Variants in DCUN1D2 observed in about 807,000 individuals in gnomAD.
DCUN1D2 encodes the protein DCN1-like protein 2.
DCUN1D2 carries 29 observed loss-of-function variants against 30.9 expected under a neutral mutation model. The observed-to-expected ratio is 0.94, with a 90% confidence interval of 0.70 to 1.28. The LOEUF is 1.28. DCUN1D2 is among the 50% of genes most tolerant of loss of function. DCUN1D2 has a pLI of 0.00. For synonymous variants in DCUN1D2, 121 were observed against 115.3 expected, an observed-to-expected ratio of 1.05 and a Z score of -0.32; for missense variants, 325 against 316.9, an observed-to-expected ratio of 1.03 and a Z score of -0.19.
chr13:113,480,804 G>A (rs2044695190), intron 2 of DCUN1D2, 61 bp from the exon 3 acceptor site: 1 of 1,569,322 alleles, frequency 6.4e-7, no homozygotes, highest in South Asian at 1.1e-5. Context: ...TCTAAAATAG[G>A]AGGTTTGAAT....
chr13:113,490,451 G>A lies in DCUN1D2; in HGVS notation c.3+216C>T. The A allele has an allele frequency of 2.3e-6, 1 of 425,856 alleles. No individual in the cohort carries two copies. The highest frequency in any genetic ancestry group is 4.0e-5 in the South Asian group (1 of 24,840). 26.4% of individuals were successfully genotyped at this position (425,856 alleles called of 1,614,324 possible). A position where few individuals can be genotyped will look rare whatever the true frequency, so the allele number is the denominator to read the frequency against. On this transcript the variant is annotated intron_variant, in intron 1 of 6. Coordinates refer to ENST00000478244, the MANE Select transcript of DCUN1D2 (RefSeq NM_001014283.2). This position sits in a 1 kb window ranked among gnomAD's most constrained non-coding sequence, Gnocchi z 5.2. ...CGCTCACTCCCGGTCGTCCCTCGCG[G>A]CTCCGGGTCAAACCCGCGCTCCCCG...
At chr13:113,464,785 T>G (rs528744519) in intron 4 of DCUN1D2, among the ~76,000 whole-genome samples, 5 of 152,362 alleles carry the variant, frequency 3.3e-5, no homozygotes, top group African/African-American at 1.2e-4. Context: ...CAATGGATCA[T>G]GAGCTACCAA....
intron 3 of DCUN1D2, among the ~76,000 whole-genome samples, chr13:113,475,106 A>G (rs1828794262): frequency 6.6e-6 from 1 of 152,244 alleles, no homozygotes; most frequent in African/African-American, 2.4e-5. Flanking sequence ...AGGAAAGAAC[A>G]TTGAAGAAAG....
chr13:113,475,406 G>A (rs1355427609), intron 3 of DCUN1D2: 1 of 152,298 alleles, frequency 6.6e-6, no homozygotes, highest in East Asian at 1.9e-4. Context: ...TCACGGCCTA[G>A]GAGCAACAGG....
At chr13:113,489,008 G>A (rs1421522254) in intron 1 of DCUN1D2, 34 of 489,982 alleles carry the variant, frequency 6.9e-5, no homozygotes, top group Non-Finnish European at 8.7e-5. Flanking sequence ...TGTGAAATAC[G>A]ACTCATATAA....
chr13:113,458,907 G>A (rs554751777), intron 6 of DCUN1D2, among the ~76,000 whole-genome samples: 3 of 152,248 alleles, frequency 2.0e-5, no homozygotes, highest in South Asian at 4.2e-4. Flanking sequence ...TCCTAAACAC[G>A]GGGGGAGACA....
intron 3 of DCUN1D2, 193 bp downstream of exon 3, chr13:113,480,382 A>C (rs2044687351): frequency 4.2e-6 from 2 of 475,512 alleles, no homozygotes; most frequent in Admixed American, 3.9e-5. Context: ...ATGTGAAATG[A>C]AATAAAGTGT....
In DCUN1D2 at chr13:113,490,492, G is replaced by A. The variant is rs1042655093; in HGVS notation, c.3+175C>T. 1 of 682,304 alleles carries A rather than the reference G, an allele frequency of 1.5e-6. No individual in the cohort carries two copies. The allele number at this position is 682,304 out of a possible 1,614,324, so 42.3% of individuals were successfully genotyped here. On this transcript the variant is annotated intron_variant, in intron 1 of 6. Transcript: ENST00000478244. The surrounding 1 kb of genome is among the most constrained non-coding windows in gnomAD (Gnocchi z 5.2). ...GCGCTCCCCGCGGTCCCGCGCCTCC[G>A]ACGCCACCGCTCCGGCTCGCGGGCC...
chr13:113,487,811 C>T (rs2044835006), intron 1 of DCUN1D2, among the ~76,000 whole-genome samples: 1 of 152,160 alleles, frequency 6.6e-6, no homozygotes, highest in African/African-American at 2.4e-5. Context: ...TACTAAACAC[C>T]ACTGAATTGT....
At chr13:113,467,512 A>G (rs77317853) in intron 4 of DCUN1D2, among the ~76,000 whole-genome samples, 1 of 151,544 alleles carries the variant, frequency 6.6e-6, no homozygotes, top group South Asian at 2.1e-4. Flanking sequence ...AAAAAAAAAA[A>G]GGAGATTTTT....
At chr13:113,483,813 T>TCG (rs2044752391) in intron 2 of DCUN1D2, 27 bp downstream of exon 2, 1 of 1,603,588 alleles carries the variant, frequency 6.2e-7, no homozygotes, top group African/African-American at 1.3e-5. Flanking sequence ...CCGACATCCG[T>TCG]CCGGCTTTGC....
upstream of DCUN1D2, chr13:113,491,238 C>G (rs936123103): frequency 6.6e-6 from 1 of 152,314 alleles, no homozygotes; most frequent in Non-Finnish European, 1.5e-5. Flanking sequence ...CGGTGATGCT[C>G]GGGCCGGACG....
upstream of DCUN1D2, chr13:113,491,028 C>G (rs995205863): frequency 6.2e-6 from 1 of 162,326 alleles, no homozygotes; most frequent in African/African-American, 2.4e-5. Context: ...GGCGGGAGTC[C>G]GGGTCGGCTT....
chr13:113,473,900 G>A (rs2044566395), intron 4 of DCUN1D2, among the ~76,000 whole-genome samples: 1 of 152,222 alleles, frequency 6.6e-6, no homozygotes, highest in Non-Finnish European at 1.5e-5. Flanking sequence ...AGCTGCTTGG[G>A]AGGCTGAGGT....
At chr13:113,489,142 A>G (rs1183603937) in intron 1 of DCUN1D2, 1 of 985,284 alleles carries the variant, frequency 1.0e-6, no homozygotes, top group African/African-American at 1.7e-5. Context: ...AAGTTTATGG[A>G]TCACTTTCAC....
In DCUN1D2 at chr13:113,484,170, C is replaced by T. The variant is rs1025971357; in HGVS notation, c.4-114G>A. 26 of 1,511,656 alleles carry T rather than the reference C, an allele frequency of 1.7e-5. No homozygotes were observed. The Admixed American group carries it at 3.6e-4, about 21-fold the overall frequency. 93.6% of individuals were successfully genotyped at this position (1,511,656 alleles called of 1,614,324 possible). On this transcript the variant is annotated intron_variant, in intron 1 of 6. Coordinates refer to ENST00000478244, the MANE Select transcript of DCUN1D2 (RefSeq NM_001014283.2). ...GAATTAGAGACAAAGCCTTGCTCTT[C>T]ATCAGTTACAAAGACTGCACAGTCT... is the stretch of plus-strand genomic sequence containing the variant.
At chr13:113,484,489 G>T (rs2044767407) in intron 1 of DCUN1D2, among the ~76,000 whole-genome samples, 1 of 152,128 alleles carries the variant, frequency 6.6e-6, no homozygotes, top group African/African-American at 2.4e-5. Context: ...GCGGTTTGGA[G>T]ATTTTTTTTC....
chr13:113,490,675 C>G lies in DCUN1D2; in HGVS notation c.-6G>C, dbSNP rs908218178. Reference sequence around the variant, plus strand: ...GACGCCGGGCCACCTACCATCTCCCCCGCGCCGCCCGCTTCTGGCCGGCCC... The same window carrying G: ...GACGCCGGGCCACCTACCATCTCCCGCGCGCCGCCCGCTTCTGGCCGGCCC... On this transcript the variant is annotated 5_prime_UTR_variant, in exon 1 of 7. Transcript: ENST00000478244. This position sits in a 1 kb window ranked among gnomAD's most constrained non-coding sequence, Gnocchi z 5.2. 94 of 1,244,696 alleles carry G rather than the reference C, an allele frequency of 7.6e-5. No homozygotes were observed. Among genetic ancestry groups the G allele is most frequent in the Non-Finnish European group, 9.0e-5 (89 of 992,966 alleles). 77.1% of individuals were successfully genotyped at this position (1,244,696 alleles called of 1,614,324 possible).
Position 113,472,827 on chromosome 13 carries a change from G to A in DCUN1D2, c.520+1297C>T, listed in dbSNP as rs569275804. ...GCTACTGTCACCCAAGAGGCAAAGC[G>A]AGGGCCCAACAGGCCCCAGGGCCTT... On this transcript the variant is annotated intron_variant, in intron 4 of 6. Transcript: ENST00000478244. Among the ~76,000 whole-genome samples the A allele has an allele frequency of 5.9e-5, 9 of 152,308 alleles. No individual in the cohort carries two copies. The East Asian group carries it at 1.2e-3, about 20-fold the overall frequency.
Sources: allele counts gnomAD v4.1 joint callset (sites outside exome capture counted in the v4.1 genomes callset), GRCh38; gene constraint gnomAD v4.1.1; non-coding constraint Gnocchi (gnomAD v3.1); transcripts MANE v1.5; gene names NCBI Gene and HGNC (gene_info 2026-07-23, HGNC 2026-07-21).